Variants in ANKRD31 observed in about 807,000 individuals in gnomAD.
ANKRD31 encodes the protein ankyrin repeat domain 31.
ANKRD31 carries 147 observed loss-of-function variants against 186.0 expected under a neutral mutation model. The observed-to-expected ratio is 0.79, with a 90% CI of 0.69 to 0.91. The LOEUF is 0.91. ANKRD31 is among the 40% of genes least tolerant of loss of function. ANKRD31 has a pLI of 0.00. For missense variants in ANKRD31, 1,986 were observed against 2,148.8 expected (o/e 0.92, Z 1.50); for synonymous variants, 673 against 736.4 (o/e 0.91, Z 1.39).
chr5:75,168,025 C>G (rs886221280), intron 11 of ANKRD31, among the ~76,000 whole-genome samples: 4 of 152,094 alleles, frequency 2.6e-5, no homozygotes, highest in African/African-American at 9.7e-5. Context: ...TTCTCTCCTC[C>G]TAGTCCTCTA....
intron 13 of ANKRD31, among the ~76,000 whole-genome samples, 197 bp downstream of exon 13, chr5:75,148,379 T>C (rs1751620711): frequency 6.6e-6 from 1 of 151,870 alleles, no homozygotes; most frequent in Non-Finnish European, 1.5e-5. Flanking sequence ...GTTACCAATA[T>C]ATTAGCGTGC....
intron 15 of ANKRD31, among the ~76,000 whole-genome samples, chr5:75,141,354 GTATA>G (rs1184047098): frequency 6.6e-6 from 1 of 151,804 alleles, no homozygotes; most frequent in Non-Finnish European, 1.5e-5. Context: ...GTGTGTGTGT[GTATA>G]TATATACATA....
rs530764805 is a variant in ANKRD31 at position 75,098,576 on chromosome 5, T to G, written c.5331+5652A>C. Among the ~76,000 whole-genome samples the G allele has an allele frequency of 1.4e-3, 213 of 152,304 alleles. 2 individuals are homozygous for G. Among genetic ancestry groups the G allele is most frequent in the African/African-American group, 4.7e-3 (195 of 41,554 alleles). The stretch of plus-strand genomic sequence containing the variant: ...TCCTATCCATGAGCATGGAATGTTC[T>G]TCCATTTGTTTGTGTCCTCTTTTAT... On this transcript the variant is annotated intron_variant, in intron 22 of 25. Coordinates refer to ENST00000506364, the MANE Select transcript of ANKRD31 (RefSeq NM_001372053.1).
intron 25 of ANKRD31, among the ~76,000 whole-genome samples, chr5:75,073,909 G>A (rs1044403379): frequency 1.3e-5 from 2 of 152,100 alleles, no homozygotes; most frequent in Non-Finnish European, 2.9e-5. Flanking sequence ...AAAGTCAATA[G>A]GGTATCATGG....
chr5:75,181,635 CA>C (rs551891573), intron 10 of ANKRD31, among the ~76,000 whole-genome samples: 2 of 148,074 alleles, frequency 1.4e-5, no homozygotes, highest in Non-Finnish European at 3.0e-5. Context: ...ATCGCAAGGA[CA>C]AAAAACCAAA....
At chr5:75,231,451 A>G (rs4345295) in intron 1 of ANKRD31, among the ~76,000 whole-genome samples, 40 of 152,246 alleles carry the variant, frequency 2.6e-4, no homozygotes, top group Admixed American at 9.8e-4. Context: ...GAGAAGACAC[A>G]CAGTCCTTGC....
chr5:75,219,705 A>G (rs552493194), intron 3 of ANKRD31, among the ~76,000 whole-genome samples: 1 of 152,342 alleles, frequency 6.6e-6, no homozygotes, highest in South Asian at 2.1e-4. Context: ...TAAGCAAAAG[A>G]AAAAGCTGGA....
In ANKRD31 at chr5:75,104,185, T is replaced by C. The variant is rs140530028; in HGVS notation, c.5331+43A>G. 620 of 1,388,622 alleles carry C rather than the reference T, an allele frequency of 4.5e-4. 2 individuals carry two copies. The African/African-American group carries it at 7.9e-3, about 18-fold the overall frequency. The allele number at this position is 1,388,622 out of a possible 1,614,324, so 86.0% of individuals were successfully genotyped here. Reference sequence around the variant, plus strand: ...TGTGACAGCAACATTTACTCACTTATTTATAAAATTTGCATGATTTTAGAG... The same window carrying C: ...TGTGACAGCAACATTTACTCACTTACTTATAAAATTTGCATGATTTTAGAG... On this transcript the variant is annotated intron_variant, in intron 22 of 25. Transcript: ENST00000506364.
In ANKRD31 at chr5:75,138,606, C is replaced by T. The variant is rs551933251; in HGVS notation, c.3733+240G>A. On this transcript the variant is annotated intron_variant, in intron 16 of 25. Coordinates refer to ENST00000506364, the MANE Select transcript of ANKRD31 (RefSeq NM_001372053.1). ...AAAAGGCCTAACTCCCTTTACTCCC[C>T]GTTCTGTCTACCCTCTCTGATGCTC... is the stretch of plus-strand genomic sequence containing the variant. 5.3e-5 allele frequency among the ~76,000 whole-genome samples: 8 copies of T among 152,242 alleles called. No individual in the cohort carries two copies. The South Asian group carries it at 6.2e-4, about 12-fold the overall frequency.
At chr5:75,209,816 A>G (rs1756493414) in intron 4 of ANKRD31, among the ~76,000 whole-genome samples, 1 of 152,222 alleles carries the variant, frequency 6.6e-6, no homozygotes, top group Non-Finnish European at 1.5e-5. Context: ...TGCCTTATCA[A>G]ACACAAATTG....
intron 4 of ANKRD31, among the ~76,000 whole-genome samples, chr5:75,206,746 C>A (rs936457065): frequency 6.6e-6 from 1 of 152,048 alleles, no homozygotes; most frequent in African/African-American, 2.4e-5. Context: ...ACATTTAGGT[C>A]TGAAGGTGAC....
At chr5:75,164,052 G>T (rs1253126376) in intron 11 of ANKRD31, among the ~76,000 whole-genome samples, 1 of 152,154 alleles carries the variant, frequency 6.6e-6, no homozygotes, top group African/African-American at 2.4e-5. Flanking sequence ...AGGTTAAAAA[G>T]TATTGTGGCT....
intron 12 of ANKRD31, among the ~76,000 whole-genome samples, chr5:75,152,879 G>A (rs1011086614): frequency 1.3e-5 from 2 of 151,916 alleles, no homozygotes; most frequent in East Asian, 1.9e-4. Flanking sequence ...ATAGATTTTT[G>A]TGAATCTATG....
chr5:75,119,882 C>T (rs1479375404), intron 17 of ANKRD31, among the ~76,000 whole-genome samples: 1 of 151,992 alleles, frequency 6.6e-6, no homozygotes, highest in Non-Finnish European at 1.5e-5. Context: ...TTGTTGGCCA[C>T]TTGTATACTA....
At chr5:75,207,331 T>G (rs1756323529) in intron 4 of ANKRD31, among the ~76,000 whole-genome samples, 1 of 152,108 alleles carries the variant, frequency 6.6e-6, no homozygotes. Flanking sequence ...ATGCTGATTT[T>G]TTTCCTAAAG....
At position 75,144,024 on chromosome 5, in the gene ANKRD31, A is replaced by C. The variant is rs1046080551; in HGVS notation, c.3572T>G (p.Phe1191Cys). 1.3e-5 allele frequency: 5 copies of C among 397,294 alleles called. No individual in the cohort carries two copies. Among genetic ancestry groups the C allele is most frequent in the African/African-American group, 1.0e-4 (5 of 48,578 alleles). The allele number at this position is 397,294 out of a possible 1,614,324, so 24.6% of individuals were successfully genotyped here. ...ACCTAGGTTGCAGGTAGTTTTTAAG[A>C]AACTTTGTCTTTTTCTGAAATTCTG... ...TVQNFRKRQS[F>C]LKTTCNLGMK... is the part of the protein sequence containing the mutation. Residue 1191 changes from phenylalanine (F) to cysteine (C), a missense_variant, in exon 15 of 26, where the codon TTC becomes TGC. Physicochemically the swap from Phe to Cys is radical, Grantham distance 205. Coordinates refer to ENST00000506364, the MANE Select transcript of ANKRD31 (RefSeq NM_001372053.1).
chr5:75,157,386 T>C (rs1402403010), intron 11 of ANKRD31, among the ~76,000 whole-genome samples: 1 of 152,134 alleles, frequency 6.6e-6, no homozygotes, highest in Non-Finnish European at 1.5e-5. Flanking sequence ...TGCAACCTGG[T>C]TTCTTCTTGG....
chr5:75,175,847 T>A (rs1753749116), intron 10 of ANKRD31, among the ~76,000 whole-genome samples: 1 of 152,054 alleles, frequency 6.6e-6, no homozygotes, highest in African/African-American at 2.4e-5. Flanking sequence ...CCAACTGCGG[T>A]ACCGAGTTCA....
intron 2 of ANKRD31, among the ~76,000 whole-genome samples, chr5:75,229,623 T>C (rs1757821021): frequency 6.6e-6 from 1 of 152,050 alleles, no homozygotes; most frequent in Non-Finnish European, 1.5e-5. Flanking sequence ...TCCCAGCACT[T>C]TGGAGGACCA....
Sources: gnomAD v4.1 joint callset for allele counts (sites outside exome capture counted in the v4.1 genomes callset) on GRCh38, gnomAD v4.1.1 for gene constraint, MANE v1.5 for transcripts, NCBI Gene and HGNC (gene_info 2026-07-23, HGNC 2026-07-21) for gene names.